VPS13D: variants seen among roughly 807,000 people sequenced by gnomAD.
The protein encoded by VPS13D is intermembrane lipid transfer protein VPS13D.
Under a neutral mutation model 461.9 loss-of-function variants are expected in VPS13D, and 187 were observed. The ratio of observed to expected loss-of-function variants is 0.40; its 90% CI spans 0.36 to 0.46. The LOEUF (loss-of-function observed/expected upper bound fraction) is 0.46, where lower values mean the gene tolerates loss of function less well. Ranked by LOEUF, VPS13D falls within the 20% of genes least tolerant of loss-of-function variation. VPS13D has a pLI of 0.60. For synonymous variants in VPS13D, 1,951 were observed against 1,986.3 expected, an observed-to-expected ratio of 0.98 and a Z score of 0.47; for missense variants, 4,711 against 5,364.9, an observed-to-expected ratio of 0.88 and a Z score of 3.81.
At chr1:12,264,388 A>G (rs1557672514) in intron 13 of VPS13D, among the ~76,000 whole-genome samples, 1 of 152,370 alleles carries the variant, frequency 6.6e-6, no homozygotes, top group East Asian at 1.9e-4. Flanking sequence ...GCCAAAAGCT[A>G]GGCCACTTGT....
At chr1:12,392,144 G>A (rs948085110) in intron 60 of VPS13D, among the ~76,000 whole-genome samples, 2 of 152,094 alleles carry the variant, frequency 1.3e-5, no homozygotes, top group Non-Finnish European at 2.9e-5. Context: ...TTATAGGTGT[G>A]AGCCACTGCA....
chr1:12,470,271 G>A lies in VPS13D; in HGVS notation c.12662+9875G>A, dbSNP rs148163077. Among the ~76,000 whole-genome samples the A allele has an allele frequency of 4.6e-5, 7 of 152,282 alleles. No individual in the cohort carries two copies. The East Asian group carries it at 5.8e-4, about 13-fold the overall frequency. ...TGGCTAGAATCCATGGTAACCTCGC[G>A]GAGTAATGCCAGGATGGACAGAGGC... On this transcript the variant is annotated intron_variant, in intron 67 of 69. Coordinates refer to ENST00000620676, the MANE Select transcript of VPS13D (RefSeq NM_015378.4).
At chr1:12,333,127 T>C in intron 37 of VPS13D, 99 bp from the exon 38 acceptor site, 3 of 1,411,512 alleles carry the variant, frequency 2.1e-6, no homozygotes, top group Non-Finnish European at 2.9e-6. Flanking sequence ...AGAAAGCTAT[T>C]AAGCTCGAGT....
intron 57 of VPS13D, 68 bp downstream of exon 57, chr1:12,379,664 T>TA (rs1230146336): frequency 1.8e-6 from 2 of 1,137,324 alleles, no homozygotes; most frequent in Non-Finnish European, 2.6e-6. Context: ...AAGTCTCTAC[T>TA]AAGTTATACA....
intron 14 of VPS13D, among the ~76,000 whole-genome samples, chr1:12,267,370 C>G (rs563142530): frequency 3.0e-4 from 46 of 151,954 alleles, no homozygotes; most frequent in African/African-American, 1.1e-3. Flanking sequence ...CGCCAGGGTC[C>G]CAAAACAGAA....
At chr1:12,491,039 G>A (rs1244254663) in intron 67 of VPS13D, among the ~76,000 whole-genome samples, 1 of 152,224 alleles carries the variant, frequency 6.6e-6, no homozygotes, top group Non-Finnish European at 1.5e-5. Context: ...AAGAACCCTG[G>A]TATCTTGTAG....
chr1:12,464,385 C>T (rs566107127), intron 67 of VPS13D, among the ~76,000 whole-genome samples: 4 of 152,294 alleles, frequency 2.6e-5, no homozygotes, highest in Admixed American at 6.5e-5. Context: ...TGTAATATTT[C>T]ATCCAAGTAA....
intron 5 of VPS13D, among the ~76,000 whole-genome samples, chr1:12,246,155 T>G (rs1325519957): frequency 1.3e-5 from 2 of 152,142 alleles, no homozygotes; most frequent in Non-Finnish European, 2.9e-5. Context: ...AGTGAAAAAT[T>G]ACAAGGCGTT....
At chr1:12,259,437 T>A (rs1465419941) in intron 10 of VPS13D, among the ~76,000 whole-genome samples, 1 of 151,626 alleles carries the variant, frequency 6.6e-6, no homozygotes, top group East Asian at 1.9e-4. Flanking sequence ...CACCTCAGCC[T>A]CCTGAGTAGC....
chr1:12,369,400 C>T (rs1396328811), intron 53 of VPS13D, 67 bp from the exon 54 acceptor site: 4 of 1,442,538 alleles, frequency 2.8e-6, no homozygotes, highest in Non-Finnish European at 2.9e-6. Flanking sequence ...CTACAAAGCA[C>T]TGACTCACTT....
At chr1:12,311,962 A>G in intron 29 of VPS13D, 37 bp downstream of exon 29, 1 of 1,539,256 alleles carries the variant, frequency 6.5e-7, no homozygotes, top group Non-Finnish European at 8.9e-7. Flanking sequence ...TGTTAGTAAC[A>G]GTATCCAAAT....
At chr1:12,242,936 C>T (rs985147901) in intron 3 of VPS13D, among the ~76,000 whole-genome samples, 3 of 151,602 alleles carry the variant, frequency 2.0e-5, no homozygotes, top group South Asian at 2.1e-4. Context: ...TCCCCTTTCC[C>T]TTTTTCTTTT....
chr1:12,398,280 G>A (rs1175368009), intron 60 of VPS13D, among the ~76,000 whole-genome samples: 1 of 152,154 alleles, frequency 6.6e-6, no homozygotes, highest in East Asian at 1.9e-4. Flanking sequence ...CAGAGGATTC[G>A]GTGCCAGAAA....
intron 65 of VPS13D, among the ~76,000 whole-genome samples, chr1:12,434,166 T>C (rs1270587834): frequency 6.6e-6 from 1 of 152,196 alleles, no homozygotes; most frequent in Non-Finnish European, 1.5e-5. Context: ...GAATTACATA[T>C]ACTGTGAAAG....
At chr1:12,343,413 A>G (rs1441575903) in intron 42 of VPS13D, among the ~76,000 whole-genome samples, 2 of 152,024 alleles carry the variant, frequency 1.3e-5, no homozygotes, top group African/African-American at 4.8e-5. Context: ...ACCTCAAGTG[A>G]TCCGCTTCGG....
intron 27 of VPS13D, among the ~76,000 whole-genome samples, chr1:12,309,154 G>T (rs1258994735): frequency 6.6e-6 from 1 of 151,960 alleles, no homozygotes; most frequent in African/African-American, 2.4e-5. Context: ...GTTTTGTTGA[G>T]GGATACAGGT....
intron 65 of VPS13D, among the ~76,000 whole-genome samples, chr1:12,436,569 T>G (rs1160429762): frequency 6.6e-6 from 1 of 152,238 alleles, no homozygotes; most frequent in African/African-American, 2.4e-5. Flanking sequence ...GAGACTTAAC[T>G]GAATGTTTCA....
At chr1:12,289,666 G>C (rs1642069153) in intron 22 of VPS13D, among the ~76,000 whole-genome samples, 1 of 151,252 alleles carries the variant, frequency 6.6e-6, no homozygotes. Flanking sequence ...TCTAAAATAA[G>C]TATGTGGCTG....
intron 67 of VPS13D, among the ~76,000 whole-genome samples, chr1:12,479,613 G>A (rs1484568791): frequency 6.6e-6 from 1 of 152,178 alleles, no homozygotes; most frequent in South Asian, 2.1e-4. Flanking sequence ...GAGGTAGTAA[G>A]GAAGGGAACC....
Sources: allele counts gnomAD v4.1 joint callset (sites outside exome capture counted in the v4.1 genomes callset), GRCh38; gene constraint gnomAD v4.1.1; transcripts MANE v1.5; gene names NCBI Gene and HGNC (gene_info 2026-07-23, HGNC 2026-07-21).